The following FAM193A variants were observed in gnomAD, a reference collection of about 807,000 sequenced individuals.
FAM193A encodes family with sequence similarity 193 member A, also known as protein FAM193A.
FAM193A carries 22 observed loss-of-function variants against 126.5 expected under a neutral mutation model. The ratio of observed to expected loss-of-function variants is 0.17; its 90% CI spans 0.12 to 0.25. The LOEUF is 0.25. FAM193A is among the 10% of genes least tolerant of loss of function. FAM193A has a pLI of 1.00. For missense variants in FAM193A, 1,675 were observed against 1,672.8 expected, an observed-to-expected ratio of 1.00 and a Z score of -0.02; for synonymous variants, 761 against 646.8, an observed-to-expected ratio of 1.18 and a Z score of -2.68.
intron 2 of FAM193A, among the ~76,000 whole-genome samples, chr4:2,615,420 TG>T (rs1742120358): frequency 6.6e-6 from 1 of 152,236 alleles, no homozygotes; most frequent in Admixed American, 6.5e-5. Context: ...CCACAAATTC[TG>T]GTATGTTTTT....
intron 13 of FAM193A, among the ~76,000 whole-genome samples, chr4:2,676,913 C>G (rs1017455858): frequency 6.6e-6 from 1 of 151,810 alleles, no homozygotes. Context: ...TGCACTCCAG[C>G]TTGGGCGACA....
intron 1 of FAM193A, among the ~76,000 whole-genome samples, chr4:2,580,479 A>G (rs1739856946): frequency 6.6e-6 from 1 of 152,062 alleles, no homozygotes; most frequent in Admixed American, 6.6e-5. Flanking sequence ...TGTACCCCCA[A>G]ATTTAATAAA....
At chr4:2,712,716 A>C (rs1046843551) in intron 19 of FAM193A, among the ~76,000 whole-genome samples, 1 of 152,018 alleles carries the variant, frequency 6.6e-6, no homozygotes, top group Non-Finnish European at 1.5e-5. Flanking sequence ...CAACCCTGTC[A>C]TTATTTTATA....
At chr4:2,728,231 C>T (rs529539719) in intron 20 of FAM193A, among the ~76,000 whole-genome samples, 414 of 143,064 alleles carry the variant, frequency 2.9e-3, no homozygotes, top group African/African-American at 8.1e-3. Context: ...CTGCCACACC[C>T]GGCCCAATTT....
chr4:2,552,847 C>CTT (rs5855745), intron 1 of FAM193A, among the ~76,000 whole-genome samples: 1,513 of 119,334 alleles, frequency 0.013, 50 homozygotes, highest in African/African-American at 0.04. Context: ...ACAGAACTTT[C>CTT]TTTTTTTTTT....
intron 2 of FAM193A, among the ~76,000 whole-genome samples, chr4:2,624,223 C>T (rs1198715377): frequency 2.6e-5 from 4 of 152,176 alleles, no homozygotes; most frequent in African/African-American, 4.8e-5. Flanking sequence ...GTTTCTCAGG[C>T]TGGAGTGCGG....
chr4:2,603,119 C>T (rs1189700850), intron 2 of FAM193A, among the ~76,000 whole-genome samples: 1 of 150,194 alleles, frequency 6.7e-6, no homozygotes, highest in Non-Finnish European at 1.5e-5. Flanking sequence ...CAGGCGCCCA[C>T]CACCATGCCT....
At position 2,630,976 on chromosome 4, in the gene FAM193A, A is replaced by T; in HGVS notation, c.845A>T (p.Glu282Val). 6.2e-7 allele frequency: 1 copy of T among 1,612,022 alleles called. No homozygotes were observed. The highest frequency in any genetic ancestry group is 1.1e-5 in the South Asian group (1 of 91,040). ...CCCTACCAGCTGTACCAGCGTCTGG[A>T]ACAGCAAGCTCGAGAGTATGTGCTG... ...RDPYQLYQRL[E>V]QQAREYVLEM... is the part of the protein sequence containing the mutation. The change falls in exon 5 of 21, where the codon GAA becomes GTA. Residue 282 changes from glutamate (E) to valine (V), a missense_variant. This residue lies in a region of FAM193A where 1,186 missense variants were observed against 1,109.2 expected (regional missense o/e 1.07). Transcript: ENST00000637812.
At chr4:2,658,772 A>G (rs548116021) in intron 8 of FAM193A, among the ~76,000 whole-genome samples, 5 of 152,066 alleles carry the variant, frequency 3.3e-5, no homozygotes, top group East Asian at 1.9e-4. Flanking sequence ...TTGTTTTGAG[A>G]CAAAGTCTCA....
chr4:2,701,091 CAGA>C (rs780588579), intron 19 of FAM193A, among the ~76,000 whole-genome samples: 291 of 152,122 alleles, frequency 1.9e-3, no homozygotes, highest in Non-Finnish European at 3.5e-3. Flanking sequence ...TTTTTCTGGA[CAGA>C]AGGAGAGTCA....
chr4:2,537,135 A>G lies in FAM193A; in HGVS notation c.220A>G (p.Ser74Gly), dbSNP rs1336825155. Residue 74 changes from serine (S) to glycine (G), a missense_variant, in exon 1 of 21, where the codon AGC becomes GGC. Physicochemically the swap from Ser to Gly is moderately conservative, Grantham distance 56. Transcript: ENST00000637812. ...AANGPLGAGASAGGAAPGGYF... is the reference protein window; with the variant it reads ...AANGPLGAGAGAGGAAPGGYF... Reference sequence around the variant, plus strand: ...CAACGGGCCTCTCGGCGCGGGCGCGAGCGCGGGCGGCGCCGCCCCCGGAGG... The same window carrying G: ...CAACGGGCCTCTCGGCGCGGGCGCGGGCGCGGGCGGCGCCGCCCCCGGAGG... The G allele has an allele frequency of 1.5e-4, 27 of 184,130 alleles. No homozygotes were observed. The highest frequency in any genetic ancestry group is 6.6e-4 in the African/African-American group (27 of 40,900). 11.4% of individuals were successfully genotyped at this position (184,130 alleles called of 1,614,324 possible). A position where few individuals can be genotyped will look rare whatever the true frequency, so the allele number is the denominator to read the frequency against.
intron 20 of FAM193A, among the ~76,000 whole-genome samples, chr4:2,723,380 T>C (rs1295781892): frequency 6.6e-6 from 1 of 151,896 alleles, no homozygotes; most frequent in African/African-American, 2.4e-5. Context: ...TCAAGACCAT[T>C]CTGGCCAAAG....
At chr4:2,644,246 G>T (rs1371306515) in intron 6 of FAM193A, among the ~76,000 whole-genome samples, 1 of 152,064 alleles carries the variant, frequency 6.6e-6, no homozygotes, top group East Asian at 1.9e-4. Context: ...CTCTCCCTTG[G>T]CTCAAAATAA....
intron 13 of FAM193A, among the ~76,000 whole-genome samples, chr4:2,682,643 T>C (rs1444317467): frequency 2.0e-5 from 3 of 152,256 alleles, no homozygotes; most frequent in African/African-American, 7.2e-5. Flanking sequence ...TTTTATCTCC[T>C]CTGTTAGTAT....
intron 12 of FAM193A, among the ~76,000 whole-genome samples, chr4:2,671,212 G>A (rs1713747016): frequency 6.6e-6 from 1 of 152,226 alleles, no homozygotes; most frequent in Non-Finnish European, 1.5e-5. Context: ...GTCAGCCAGC[G>A]AGTTGTGGAC....
chr4:2,680,224 C>G (rs1714946432), intron 13 of FAM193A, among the ~76,000 whole-genome samples: 1 of 152,168 alleles, frequency 6.6e-6, no homozygotes, highest in Non-Finnish European at 1.5e-5. Flanking sequence ...TCAGACTTTT[C>G]TATTTCTTTA....
intron 1 of FAM193A, among the ~76,000 whole-genome samples, chr4:2,545,199 G>T (rs1247839263): frequency 6.6e-6 from 1 of 152,146 alleles, no homozygotes; most frequent in Non-Finnish European, 1.5e-5. Context: ...CACCATGTTG[G>T]CCAGGCTGGC....
In FAM193A at chr4:2,708,242, C is replaced by T. The variant is rs112277114; in HGVS notation, c.4372+7698C>T. ...CCAGGTTCAAGCGATTGTGCTGCCT[C>T]AGCCTCCCAAGTAGTTGGAATTACA... On this transcript the variant is annotated intron_variant, in intron 19 of 20. Coordinates refer to ENST00000637812, the MANE Select transcript of FAM193A (RefSeq NM_001366318.2). The T allele has an allele frequency of 9.3e-3, 3,902 of 418,452 alleles. 65 individuals carry two copies. Among genetic ancestry groups the T allele is most frequent in the African/African-American group, 0.046 (2,221 of 48,000 alleles). 25.9% of individuals were successfully genotyped at this position (418,452 alleles called of 1,614,324 possible).
chr4:2,570,132 T>A (rs1363755044), intron 1 of FAM193A, among the ~76,000 whole-genome samples: 1 of 147,928 alleles, frequency 6.8e-6, no homozygotes, highest in African/African-American at 2.6e-5. Context: ...AACTGCTAAA[T>A]AGCCCAAAAG....
Sources: allele counts gnomAD v4.1 joint callset (sites outside exome capture counted in the v4.1 genomes callset), GRCh38; gene constraint gnomAD v4.1.1; regional missense constraint gnomAD v4.1.1; transcripts MANE v1.5; gene names NCBI Gene and HGNC (gene_info 2026-07-23, HGNC 2026-07-21).